The following RPS10 variants were observed in gnomAD, a reference collection of about 807,000 sequenced individuals.
RPS10 encodes the protein small ribosomal subunit protein eS10.
A neutral mutation model predicts 22.6 loss-of-function variants in RPS10; 2 were observed. That is an observed-to-expected ratio of 0.09 (90% CI 0.04 to 0.28). The LOEUF is 0.28. RPS10 is among the 10% of genes least tolerant of loss of function. The pLI, the probability that RPS10 is intolerant of heterozygous loss-of-function variation, is 1.00. For missense variants in RPS10, 137 were observed against 222.2 expected (o/e 0.62, Z 2.44); for synonymous variants, 70 against 75.9 (o/e 0.92, Z 0.40).
At chr6:34,418,545 G>A in intron 4 of RPS10, 121 bp from the exon 5 acceptor site, 3 of 1,465,048 alleles carry the variant, frequency 2.0e-6, no homozygotes, top group Non-Finnish European at 1.9e-6. Flanking sequence ...TTAAATATAA[G>A]CAAATTACAC....
chr6:34,425,417 T>G (rs1765922623), intron 1 of RPS10, 196 bp from the exon 2 acceptor site: 2 of 661,434 alleles, frequency 3.0e-6, no homozygotes, highest in Admixed American at 4.9e-5. Context: ...GGTGGAAAAG[T>G]TGACAGTATG....
chr6:34,418,907 C>A (rs1463636182), intron 4 of RPS10, among the ~76,000 whole-genome samples: 1 of 152,212 alleles, frequency 6.6e-6, no homozygotes, highest in Non-Finnish European at 1.5e-5. Flanking sequence ...CAGGGTCTTA[C>A]TCTGTCACCC....
chr6:34,425,485 A>T lies in RPS10; in HGVS notation c.1-264T>A, dbSNP rs114103496. On this transcript the variant is annotated intron_variant, in intron 1 of 5. Coordinates refer to ENST00000648437, the MANE Select transcript of RPS10 (RefSeq NM_001014.5). ...AAACTTCCTTAAGTTCTCATCAATTACAAAGGTCAATGGGGGGGAGAGGAG... is the reference window on the plus strand; with the variant it reads ...AAACTTCCTTAAGTTCTCATCAATTTCAAAGGTCAATGGGGGGGAGAGGAG... The T allele has an allele frequency of 2.5e-3, 1,099 of 444,746 alleles. 3 individuals carry two copies. The highest frequency in any genetic ancestry group is 3.8e-3 in the Non-Finnish European group (912 of 237,066). The allele number at this position is 444,746 out of a possible 1,614,324, so 27.5% of individuals were successfully genotyped here.
At chr6:34,418,889 A>G (rs2113795816) in intron 4 of RPS10, among the ~76,000 whole-genome samples, 1 of 152,262 alleles carries the variant, frequency 6.6e-6, no homozygotes, top group African/African-American at 2.4e-5. Flanking sequence ...TCTTTTACTT[A>G]TTTGAGACAG....
chr6:34,425,390 C>A (rs1374546029), intron 1 of RPS10, 169 bp from the exon 2 acceptor site: 7 of 772,846 alleles, frequency 9.1e-6, no homozygotes, highest in African/African-American at 6.9e-5. Flanking sequence ...TCAGTCCCCA[C>A]CCCCAAACAC....
At chr6:34,417,581 G>T in intron 5 of RPS10, 34 bp from the exon 6 acceptor site, 1 of 1,611,788 alleles carries the variant, frequency 6.2e-7, no homozygotes, top group East Asian at 2.2e-5. Context: ...CAGCATGAGC[G>T]GCACTCTGGT....
At chr6:34,424,140 TAAAA>T (rs71538239) in intron 3 of RPS10, 764 of 49,152 alleles carry the variant, frequency 0.016, 31 homozygotes, top group African/African-American at 0.064. Flanking sequence ...AAGACTCCGT[TAAAA>T]AAAAAAAAAA....
At chr6:34,420,283 T>C (rs997344484) in intron 4 of RPS10, among the ~76,000 whole-genome samples, 2 of 152,058 alleles carry the variant, frequency 1.3e-5, no homozygotes, top group Non-Finnish European at 2.9e-5. Context: ...TGGCATGATC[T>C]TGTCTCACTG....
chr6:34,424,274 A>G (rs1208233323), intron 3 of RPS10: 1 of 283,212 alleles, frequency 3.5e-6, no homozygotes, highest in African/African-American at 2.2e-5. Flanking sequence ...TCTCCACTCC[A>G]GTTTCTAATT....
chr6:34,425,335 G>A (rs1185878671), intron 1 of RPS10, 114 bp from the exon 2 acceptor site: 2 of 1,380,684 alleles, frequency 1.4e-6, no homozygotes, highest in Admixed American at 4.0e-5. Flanking sequence ...CATGCTGGTG[G>A]GAAGACTCAA....
chr6:34,417,927 A>C, intron 5 of RPS10: 2 of 718,368 alleles, frequency 2.8e-6, no homozygotes, highest in South Asian at 3.0e-5. Context: ...ATATGCCAGT[A>C]CTATGCCTGG....
intron 4 of RPS10, among the ~76,000 whole-genome samples, chr6:34,420,850 CAA>C (rs912577764): frequency 6.6e-6 from 1 of 150,484 alleles, no homozygotes; most frequent in Non-Finnish European, 1.5e-5. Context: ...ACTAAAAATA[CAA>C]AAAAAATTAG....
At chr6:34,424,140 T>TAAAAAAAAAAAAAAAAAAAAACA (rs1765866147) in intron 3 of RPS10, 1 of 49,102 alleles carries the variant, frequency 2.0e-5, no homozygotes, top group African/African-American at 1.1e-4. Flanking sequence ...AAGACTCCGT[T>TAAAAAAAAAAAAAAAAAAAAACA]AAAAAAAAAA....
chr6:34,424,163 A>AAAAAAAAAAAC (rs1561939868), intron 3 of RPS10: 2 of 150,930 alleles, frequency 1.3e-5, no homozygotes, highest in African/African-American at 2.5e-5. Flanking sequence ...AAAAAAAAAA[A>AAAAAAAAAAAC]AGCAACTGTG....
At chr6:34,423,364 T>TA in intron 3 of RPS10, among the ~76,000 whole-genome samples, 1 of 152,256 alleles carries the variant, frequency 6.6e-6, no homozygotes, top group South Asian at 2.1e-4. Flanking sequence ...ACTCCTGGAC[T>TA]CAAGTAGTCT....
chr6:34,417,812 C>G (rs1278927766), intron 5 of RPS10: 1 of 718,648 alleles, frequency 1.4e-6, no homozygotes, highest in South Asian at 1.5e-5. Flanking sequence ...ATGAAAGCAT[C>G]CAGCACCAGG....
intron 4 of RPS10, among the ~76,000 whole-genome samples, chr6:34,418,916 C>CATG (rs1561937036): frequency 1.3e-5 from 2 of 152,078 alleles, no homozygotes; most frequent in African/African-American, 4.8e-5. Flanking sequence ...ACTCTGTCAC[C>CATG]CAGGATGGAG....
intron 5 of RPS10, 178 bp from the exon 6 acceptor site, chr6:34,417,725 C>G: frequency 1.4e-6 from 1 of 730,484 alleles, no homozygotes; most frequent in Non-Finnish European, 2.5e-6. Flanking sequence ...GGGGCCATAT[C>G]TAACATCTAG....
In RPS10 at chr6:34,424,853, A is replaced by G; in HGVS notation, c.151-13T>C. 1 of 1,613,782 alleles carries G rather than the reference A, an allele frequency of 6.2e-7. No individual in the cohort carries two copies. The highest frequency in any genetic ancestry group is 8.5e-7 in the Non-Finnish European group (1 of 1,180,028). On this transcript the variant is annotated splice_polypyrimidine_tract_variant and intron_variant, in intron 2 of 5. Transcript: ENST00000648437. The stretch of plus-strand genomic sequence containing the variant: ...GGGACTTGAGAGACTGTAAGGCAGA[A>G]AACTACTGTTAAGGCGTTAAGTAGA...
Sources: gnomAD v4.1 joint callset for allele counts (sites outside exome capture counted in the v4.1 genomes callset) on GRCh38, gnomAD v4.1.1 for gene constraint, MANE v1.5 for transcripts, NCBI Gene and HGNC (gene_info 2026-07-23, HGNC 2026-07-21) for gene names.